Variants in NDST4 observed in about 807,000 individuals in gnomAD.
The protein encoded by NDST4 is N-deacetylase and N-sulfotransferase 4, also known as N-heparan sulfate sulfotransferase 4.
A neutral mutation model predicts 100.8 loss-of-function variants in NDST4; 63 were observed. The ratio of observed to expected loss-of-function variants is 0.62; its 90% CI spans 0.51 to 0.77. The LOEUF (loss-of-function observed/expected upper bound fraction) is 0.77. NDST4 is among the 30% of genes least tolerant of loss of function. The probability of loss-of-function intolerance (pLI) is 0.00; values close to 1 mark genes in which losing one functional copy is unlikely to be tolerated. For missense variants in NDST4, 943 were observed against 1,018.4 expected, an observed-to-expected ratio of 0.93 and a Z score of 1.01; for synonymous variants, 377 against 361.8, an observed-to-expected ratio of 1.04 and a Z score of -0.48.
intron 6 of NDST4, among the ~76,000 whole-genome samples, chr4:114,909,241 C>T (rs997371431): frequency 1.3e-4 from 20 of 152,150 alleles, no homozygotes; most frequent in African/African-American, 4.3e-4. Flanking sequence ...TTTCTCATGA[C>T]GATGACGATG....
At chr4:115,108,728 C>T (rs1021750383) in intron 1 of NDST4, among the ~76,000 whole-genome samples, 2 of 151,870 alleles carry the variant, frequency 1.3e-5, no homozygotes, top group African/African-American at 4.8e-5. Flanking sequence ...TTAAAGTCAA[C>T]ATCACTATTT....
At chr4:115,063,886 T>C (rs1728877229) in intron 2 of NDST4, among the ~76,000 whole-genome samples, 1 of 151,976 alleles carries the variant, frequency 6.6e-6, no homozygotes, top group South Asian at 2.1e-4. Context: ...TTTCCTCACA[T>C]AGACAATTGC....
chr4:114,859,363 G>A (rs1219432793), intron 7 of NDST4, among the ~76,000 whole-genome samples: 1 of 152,170 alleles, frequency 6.6e-6, no homozygotes, highest in Non-Finnish European at 1.5e-5. Flanking sequence ...GGGACCAAAA[G>A]CAGCAATTGT....
chr4:114,855,169 A>G (rs1723766635), intron 7 of NDST4, among the ~76,000 whole-genome samples: 1 of 151,884 alleles, frequency 6.6e-6, no homozygotes, highest in South Asian at 2.1e-4. Context: ...AATCCCTTAC[A>G]TATTCTGGTT....
At chr4:115,072,292 G>T in intron 2 of NDST4, among the ~76,000 whole-genome samples, 1 of 152,064 alleles carries the variant, frequency 6.6e-6, no homozygotes, top group Non-Finnish European at 1.5e-5. Flanking sequence ...ATGATCTGCA[G>T]ATTCAATACA....
At chr4:114,933,973 A>C (rs1193651017) in intron 6 of NDST4, among the ~76,000 whole-genome samples, 1 of 152,174 alleles carries the variant, frequency 6.6e-6, no homozygotes, top group Non-Finnish European at 1.5e-5. Context: ...ATATGATCCA[A>C]CAATCCCTTT....
chr4:114,948,083 G>T (rs570708365), intron 4 of NDST4, among the ~76,000 whole-genome samples: 4 of 152,174 alleles, frequency 2.6e-5, no homozygotes, highest in African/African-American at 9.6e-5. Flanking sequence ...ACATCACTTT[G>T]CAGAAAGAGT....
In NDST4 at chr4:114,983,372, G is replaced by A. The variant is rs547255615; in HGVS notation, c.979-6098C>T. ...CAGGGCAGAGTTGCCCAGGGCCTTG[G>A]GAGTCCACCCCTTGAATCAGCGTGT... On this transcript the variant is annotated intron_variant, in intron 2 of 13. Coordinates refer to ENST00000264363, the MANE Select transcript of NDST4 (RefSeq NM_022569.3). Among the ~76,000 whole-genome samples the A allele has an allele frequency of 5.3e-5, 8 of 152,328 alleles. No homozygotes were observed. The South Asian group carries it at 1.4e-3, about 28-fold the overall frequency.
intron 10 of NDST4, 89 bp from the exon 11 acceptor site, chr4:114,839,637 GTGTT>G (rs1723384954): frequency 9.1e-7 from 1 of 1,100,926 alleles, no homozygotes; most frequent in African/African-American, 1.6e-5. Flanking sequence ...ATGCATGTGT[GTGTT>G]TGGTGTGTAT....
intron 6 of NDST4, among the ~76,000 whole-genome samples, chr4:114,892,488 C>T (rs1724619008): frequency 6.6e-6 from 1 of 152,012 alleles, no homozygotes; most frequent in South Asian, 2.1e-4. Flanking sequence ...ACAAATTTTA[C>T]CTAAGTAGCC....
chr4:114,870,911 C>T lies in NDST4; in HGVS notation c.1576G>A (p.Asp526Asn). ...ACAAAGGTATATAACCCTAGGCGGT[C>T]ATTTCCATAGTTTGATAAATGGGTC... ...FMTHLSNYGN[D>N]RLGLYTFVNL... Residue 526 changes from aspartate (D) to asparagine (N), a missense_variant, in exon 7 of 14, where the codon GAC (aspartate) becomes AAC (asparagine). Asp to Asn is a conservative substitution (Grantham distance 23). Coordinates refer to ENST00000264363, the MANE Select transcript of NDST4 (RefSeq NM_022569.3). The T allele has an allele frequency of 1.9e-6, 3 of 1,609,464 alleles. No individual in the cohort carries two copies. Among genetic ancestry groups the T allele is most frequent in the East Asian group, 4.5e-5 (2 of 44,650 alleles).
intron 4 of NDST4, among the ~76,000 whole-genome samples, chr4:114,964,124 A>G (rs1726327528): frequency 6.6e-6 from 1 of 152,202 alleles, no homozygotes; most frequent in Non-Finnish European, 1.5e-5. Flanking sequence ...TAATGAAGCC[A>G]ATTACTGTGT....
At chr4:115,038,360 A>G (rs570472761) in intron 2 of NDST4, among the ~76,000 whole-genome samples, 2 of 152,276 alleles carry the variant, frequency 1.3e-5, no homozygotes, top group East Asian at 3.9e-4. Flanking sequence ...AAAGGATAAG[A>G]CAATGGAAAA....
At chr4:114,829,182 C>A (rs1410416496) in intron 13 of NDST4, among the ~76,000 whole-genome samples, 2 of 152,002 alleles carry the variant, frequency 1.3e-5, no homozygotes, top group Admixed American at 6.6e-5. Flanking sequence ...CTGGCTGAGC[C>A]AATTGCTGGC....
At chr4:114,930,733 T>G (rs1725494440) in intron 6 of NDST4, among the ~76,000 whole-genome samples, 1 of 152,120 alleles carries the variant, frequency 6.6e-6, no homozygotes, top group African/African-American at 2.4e-5. Context: ...GATGAGGACA[T>G]GCTTTCCTAA....
chr4:114,973,019 T>C (rs1217757626), intron 3 of NDST4, among the ~76,000 whole-genome samples: 1 of 152,068 alleles, frequency 6.6e-6, no homozygotes, highest in African/African-American at 2.4e-5. Context: ...TCTCTTGTTT[T>C]ATGCTGGTCA....
At chr4:114,963,583 T>C (rs1175527917) in intron 4 of NDST4, among the ~76,000 whole-genome samples, 1 of 152,216 alleles carries the variant, frequency 6.6e-6, no homozygotes, top group South Asian at 2.1e-4. Context: ...GATATGTTAA[T>C]ACCAATATCA....
At chr4:114,837,456 A>G (rs1723328913) in intron 11 of NDST4, among the ~76,000 whole-genome samples, 1 of 152,218 alleles carries the variant, frequency 6.6e-6, no homozygotes, top group Non-Finnish European at 1.5e-5. Flanking sequence ...CCAAACAAGC[A>G]TGGTACTGGC....
At chr4:115,112,071 T>C (rs994751137) in intron 1 of NDST4, among the ~76,000 whole-genome samples, 5 of 151,248 alleles carry the variant, frequency 3.3e-5, no homozygotes, top group Non-Finnish European at 5.9e-5. Context: ...TACATAAACT[T>C]GCTACTCACA....
Sources: gnomAD v4.1 joint callset for allele counts (sites outside exome capture counted in the v4.1 genomes callset) on GRCh38, gnomAD v4.1.1 for gene constraint, MANE v1.5 for transcripts, NCBI Gene and HGNC (gene_info 2026-07-23, HGNC 2026-07-21) for gene names.